The following THOC5 variants were observed in gnomAD, a reference collection of about 807,000 sequenced individuals.
THOC5 encodes the protein Fms-interacting protein.
Under a neutral mutation model 92.9 loss-of-function variants are expected in THOC5, and 43 were observed. That is an observed-to-expected ratio of 0.46 (90% CI 0.36 to 0.60). The LOEUF is 0.60. Among genes scored for constraint, THOC5 ranks in the 20% least tolerant of loss-of-function variants. The pLI, the probability that THOC5 is intolerant of heterozygous loss-of-function variation, is 0.00. For synonymous variants in THOC5, 296 were observed against 320.1 expected (o/e 0.92, Z 0.80); for missense variants, 659 against 849.4 (o/e 0.78, Z 2.79).
intron 5 of THOC5, among the ~76,000 whole-genome samples, chr22:29,541,326 C>G (rs890480507): frequency 7.9e-5 from 12 of 151,670 alleles, no homozygotes; most frequent in Admixed American, 3.3e-4. Context: ...CCCAGCATGG[C>G]AAAACCCTAT....
At chr22:29,552,709 T>A (rs1366509620) in intron 1 of THOC5, among the ~76,000 whole-genome samples, 2 of 152,036 alleles carry the variant, frequency 1.3e-5, no homozygotes, top group East Asian at 3.9e-4. Context: ...GAGGAGCCCC[T>A]CTGCCTGGCC....
chr22:29,511,937 G>A, intron 18 of THOC5, 84 bp downstream of exon 18: 4 of 1,120,316 alleles, frequency 3.6e-6, no homozygotes. Context: ...CAGTGCCCAA[G>A]TCCTCAGCTG....
chr22:29,525,789 C>T (rs1462659097), intron 12 of THOC5, 49 bp downstream of exon 12: 1 of 1,486,738 alleles, frequency 6.7e-7, no homozygotes, highest in Non-Finnish European at 9.4e-7. Flanking sequence ...ATGAGGCTCT[C>T]ATCACCTCCC....
intron 7 of THOC5, chr22:29,535,318 TAAGGAA>T (rs1569225589): frequency 8.7e-6 from 1 of 115,326 alleles, no homozygotes; most frequent in Non-Finnish European, 1.8e-5. Flanking sequence ...CAAAGGTGGG[TAAGGAA>T]AAGGAAAAAA....
At chr22:29,511,947 G>A in intron 18 of THOC5, 74 bp downstream of exon 18, 1 of 1,233,332 alleles carries the variant, frequency 8.1e-7, no homozygotes, top group South Asian at 1.2e-5. Context: ...GTCCTCAGCT[G>A]CAGTGGGTTC....
In THOC5 at chr22:29,531,725, G is replaced by C. The variant is rs536993231; in HGVS notation, c.847+106C>G. On this transcript the variant is annotated intron_variant, in intron 8 of 19. Transcript: ENST00000490103. ...AAAGCTTCTGTCACCTGAGGGCTTC[G>C]GGCAGGACTGAGAAATTTCCTGAGC... 3.3e-6 allele frequency: 5 copies of C among 1,512,972 alleles called. No individual in the cohort carries two copies. The African/African-American group carries it at 5.5e-5, about 17-fold the overall frequency. The allele number at this position is 1,512,972 out of a possible 1,614,324, so 93.7% of individuals were successfully genotyped here. A position where few individuals can be genotyped will look rare whatever the true frequency, so the allele number is the denominator to read the frequency against.
chr22:29,534,570 G>C (rs77147757), intron 7 of THOC5: 11 of 149,576 alleles, frequency 7.4e-5, no homozygotes, highest in South Asian at 2.1e-4. Context: ...TTCTTGACTC[G>C]GGAAAGACTG....
chr22:29,530,008 T>C (rs888606955), intron 8 of THOC5, among the ~76,000 whole-genome samples: 19 of 151,918 alleles, frequency 1.3e-4, no homozygotes, highest in Admixed American at 1.1e-3. Flanking sequence ...CTGTGTGTGG[T>C]GGCATGTGCC....
At position 29,512,046 on chromosome 22, in the gene THOC5, G is replaced by T; in HGVS notation, c.1772C>A (p.Thr591Asn). 1 of 1,614,118 alleles carries T rather than the reference G, an allele frequency of 6.2e-7. No individual in the cohort carries two copies. The highest frequency in any genetic ancestry group is 1.3e-5 in the African/African-American group (1 of 75,058). Reference protein sequence around the residue: ...QLCLNWKGEKTNSNDDNIRAM... With the variant: ...QLCLNWKGEKNNSNDDNIRAM... ...CCGAATGTTGTCATCGTTGCTGTTG[G>T]TTTTCTCCCCTTTCCAGTTCAAACA... Residue 591 changes from threonine to asparagine, a missense_variant, in exon 18 of 20, where the codon ACC (threonine) becomes AAC (asparagine). Coordinates refer to ENST00000490103, the MANE Select transcript of THOC5 (RefSeq NM_003678.5).
At chr22:29,509,499 C>A (rs1046669984) in intron 19 of THOC5, among the ~76,000 whole-genome samples, 1 of 151,966 alleles carries the variant, frequency 6.6e-6, no homozygotes, top group Non-Finnish European at 1.5e-5. Context: ...AGCAGCCACT[C>A]AGAGCTGGAA....
At chr22:29,535,261 CAA>C (rs572658824) in intron 7 of THOC5, 8 of 58,902 alleles carry the variant, frequency 1.4e-4, no homozygotes, top group Admixed American at 4.0e-4. Flanking sequence ...ACTCTGTCTC[CAA>C]AAAAAAAAAA....
At chr22:29,552,074 C>T (rs1473406271) in intron 1 of THOC5, among the ~76,000 whole-genome samples, 3 of 152,164 alleles carry the variant, frequency 2.0e-5, no homozygotes, top group Admixed American at 6.5e-5. Context: ...GACGGAGTCT[C>T]GTTCACTCAG....
chr22:29,525,993 G>T, intron 11 of THOC5, 47 bp from the exon 12 acceptor site: 1 of 1,261,754 alleles, frequency 7.9e-7, no homozygotes, highest in Non-Finnish European at 1.1e-6. Context: ...AACACTCAGA[G>T]CAGAGTGAAC....
At chr22:29,531,091 C>A in intron 8 of THOC5, 1 of 1,175,760 alleles carries the variant, frequency 8.5e-7, no homozygotes, top group South Asian at 1.7e-5. Flanking sequence ...GTCTAGGGGG[C>A]TGGGAGGATT....
intron 8 of THOC5, chr22:29,531,231 G>A (rs541817624): frequency 6.2e-4 from 639 of 1,024,730 alleles, no homozygotes; most frequent in Non-Finnish European, 7.3e-4. Flanking sequence ...GCACTGGTGC[G>A]GTGTATGTCT....
chr22:29,541,602 C>T (rs2063884183), intron 5 of THOC5, among the ~76,000 whole-genome samples: 1 of 151,046 alleles, frequency 6.6e-6, no homozygotes, highest in Non-Finnish European at 1.5e-5. Context: ...TGGCTCACGC[C>T]TGTAATCCCA....
In THOC5 at chr22:29,506,343, T is replaced by G. The variant is rs1279917663; in HGVS notation, c.*2114A>C. On this transcript the variant is annotated 3_prime_UTR_variant, in exon 20 of 20. Coordinates refer to ENST00000490103, the MANE Select transcript of THOC5 (RefSeq NM_003678.5). ...CTTCCCAAGACTTCTCTTAATCAAA[T>G]AATTATATTTTGAGGCACTTTTGTC... is the stretch of plus-strand genomic sequence containing the variant. 1 of 152,156 alleles carries G rather than the reference T, an allele frequency of 6.6e-6. No homozygotes were observed. Among genetic ancestry groups the G allele is most frequent in the Non-Finnish European group, 1.5e-5 (1 of 68,034 alleles). 9.4% of individuals were successfully genotyped at this position (152,156 alleles called of 1,614,324 possible).
chr22:29,516,147 G>GAAA (rs57982377), intron 17 of THOC5, among the ~76,000 whole-genome samples: 7 of 122,050 alleles, frequency 5.7e-5, no homozygotes, highest in Admixed American at 8.8e-5. Context: ...TATCTCTACT[G>GAAA]AAAAAAAAAA....
Position 29,526,054 on chromosome 22 carries a change from T to TA in THOC5, c.1067-109dup, listed in dbSNP as rs531089964. 6 of 307,362 alleles carry TA rather than the reference T, an allele frequency of 2.0e-5. No individual in the cohort carries two copies. The African/African-American group carries it at 2.0e-4, about 10-fold the overall frequency. 19.0% of individuals were successfully genotyped at this position (307,362 alleles called of 1,614,324 possible). A position where few individuals can be genotyped will look rare whatever the true frequency, so the allele number is the denominator to read the frequency against. On this transcript the variant is annotated intron_variant, in intron 11 of 19. Coordinates refer to ENST00000490103, the MANE Select transcript of THOC5 (RefSeq NM_003678.5). ...GGGGGTCAAGTGTTGAAAAACTAAC[T>TA]ACTAGGTATTATGCCCACTACCTAG...
Sources: allele counts gnomAD v4.1 joint callset (sites outside exome capture counted in the v4.1 genomes callset), GRCh38; gene constraint gnomAD v4.1.1; transcripts MANE v1.5; gene names NCBI Gene and HGNC (gene_info 2026-07-23, HGNC 2026-07-21).